Variants in UTRN observed in about 807,000 individuals in gnomAD.
The protein encoded by UTRN is dystrophin-related protein 1.
Under a neutral mutation model 463.9 loss-of-function variants are expected in UTRN, and 283 were observed. That is an observed-to-expected ratio of 0.61 (90% CI 0.55 to 0.67). The LOEUF (loss-of-function observed/expected upper bound fraction) is 0.67. Among genes scored for constraint, UTRN ranks in the 30% least tolerant of loss-of-function variants. The pLI is 0.00. For missense variants in UTRN, 3,922 were observed against 4,084.3 expected (o/e 0.96, Z 1.08); for synonymous variants, 1,442 against 1,431.5 (o/e 1.01, Z -0.17).
intron 41 of UTRN, among the ~76,000 whole-genome samples, chr6:144,529,134 G>A (rs1227960995): frequency 6.6e-6 from 1 of 152,176 alleles, no homozygotes; most frequent in Non-Finnish European, 1.5e-5. Flanking sequence ...GGCCCAAAAG[G>A]CCAGTCTTAG....
At chr6:144,398,327 GC>G in intron 2 of UTRN, 4 of 322,614 alleles carry the variant, frequency 1.2e-5, no homozygotes, top group Non-Finnish European at 2.5e-5. Flanking sequence ...CAATAGATTT[GC>G]TTGTTGGGCC....
chr6:144,490,302 A>T lies in UTRN; in HGVS notation c.4263+103A>T. The T allele has an allele frequency of 2.7e-6, 4 of 1,467,636 alleles. No individual in the cohort carries two copies. In the South Asian group the frequency reaches 5.5e-5, roughly 20 times the overall value. The allele number at this position is 1,467,636 out of a possible 1,614,324, so 90.9% of individuals were successfully genotyped here. ...TTGGGCACCGTTTGTATTCTTTGTG[A>T]TGTAAACCATGGGATGGGAGTGATG... On this transcript the variant is annotated intron_variant, in intron 31 of 74. Coordinates refer to ENST00000367545, the MANE Select transcript of UTRN (RefSeq NM_007124.3).
At chr6:144,538,341 C>T (rs1797709725) in intron 44 of UTRN, among the ~76,000 whole-genome samples, 1 of 151,998 alleles carries the variant, frequency 6.6e-6, no homozygotes. Context: ...TGTTGCAGAA[C>T]ACTCAGCATA....
intron 51 of UTRN, among the ~76,000 whole-genome samples, chr6:144,592,376 T>A (rs1391215314): frequency 6.6e-6 from 1 of 152,218 alleles, no homozygotes; most frequent in East Asian, 1.9e-4. Context: ...TTTTTAAATT[T>A]TTTTTTTTAT....
rs939644935 is a variant in UTRN, at chr6:144,723,218, T to C, written c.7810-7139T>C. Among the ~76,000 whole-genome samples, 6 of 152,312 alleles carry C rather than the reference T, an allele frequency of 3.9e-5. No individual in the cohort carries two copies. The South Asian group carries it at 1.0e-3, about 26-fold the overall frequency. Reference sequence around the variant, plus strand: ...AACCAACTGCAGACTGAAATACTTATTAATAGCACAGACTTAGTTTTACAT... The same window carrying C: ...AACCAACTGCAGACTGAAATACTTACTAATAGCACAGACTTAGTTTTACAT... On this transcript the variant is annotated intron_variant, in intron 53 of 74. Transcript: ENST00000367545.
At chr6:144,565,689 C>A (rs1800340607) in intron 50 of UTRN, among the ~76,000 whole-genome samples, 1 of 152,108 alleles carries the variant, frequency 6.6e-6, no homozygotes, top group African/African-American at 2.4e-5. Flanking sequence ...GGCTGAATAA[C>A]CAAATAGGAT....
chr6:144,370,575 C>T (rs1265254066), intron 2 of UTRN, among the ~76,000 whole-genome samples: 2 of 152,136 alleles, frequency 1.3e-5, no homozygotes, highest in African/African-American at 4.8e-5. Context: ...AGGTGGGAGC[C>T]CCCGCACAGA....
chr6:144,653,248 G>A (rs1240189606), intron 51 of UTRN, among the ~76,000 whole-genome samples: 2 of 152,090 alleles, frequency 1.3e-5, no homozygotes, highest in African/African-American at 4.8e-5. Context: ...CATAGGATAT[G>A]TACGTGCATA....
chr6:144,733,047 T>G (rs1224415063), intron 54 of UTRN, among the ~76,000 whole-genome samples: 1 of 152,168 alleles, frequency 6.6e-6, no homozygotes, highest in Non-Finnish European at 1.5e-5. Context: ...TCACCTTGAA[T>G]GCAAACATGC....
chr6:144,354,227 T>C (rs1178210510), intron 2 of UTRN, among the ~76,000 whole-genome samples: 2 of 152,118 alleles, frequency 1.3e-5, no homozygotes, highest in Non-Finnish European at 2.9e-5. Flanking sequence ...ACAATAACGA[T>C]ATGCTTGTTG....
At chr6:144,848,112 G>A (rs898699411) in intron 74 of UTRN, among the ~76,000 whole-genome samples, 1 of 152,166 alleles carries the variant, frequency 6.6e-6, no homozygotes, top group African/African-American at 2.4e-5. Flanking sequence ...TTGTCTAAGT[G>A]AATTGGAAGC....
intron 60 of UTRN, among the ~76,000 whole-genome samples, chr6:144,778,432 C>G (rs1032750660): frequency 1.3e-5 from 2 of 151,832 alleles, no homozygotes; most frequent in Non-Finnish European, 2.9e-5. Context: ...GGACATGGGT[C>G]AAGTGTTGAG....
At chr6:144,768,953 G>GTTTTTTTTTTTTTT (rs1224806677) in intron 58 of UTRN, among the ~76,000 whole-genome samples, 1 of 105,088 alleles carries the variant, frequency 9.5e-6, no homozygotes, top group East Asian at 3.5e-4. Flanking sequence ...TTTTTGTTTT[G>GTTTTTTTTTTTTTT]TTTTGTTTTT....
chr6:144,608,781 C>CCT (rs71024900), intron 51 of UTRN, among the ~76,000 whole-genome samples: 3 of 151,536 alleles, frequency 2.0e-5, no homozygotes, highest in Non-Finnish European at 2.9e-5. Flanking sequence ...CCACACACGA[C>CCT]CTCTCTATGT....
At chr6:144,742,047 G>A (rs1459853953) in intron 54 of UTRN, among the ~76,000 whole-genome samples, 1 of 151,266 alleles carries the variant, frequency 6.6e-6, no homozygotes, top group African/African-American at 2.4e-5. Context: ...TACTTTTGAG[G>A]TCTTGATGTT....
intron 1 of UTRN, among the ~76,000 whole-genome samples, chr6:144,288,624 A>C (rs1803908121): frequency 6.6e-6 from 1 of 152,054 alleles, no homozygotes; most frequent in African/African-American, 2.4e-5. Context: ...GAATGAAAGA[A>C]TGTAATCATA....
intron 2 of UTRN, among the ~76,000 whole-genome samples, chr6:144,350,256 T>TAAA (rs11443344): frequency 0.013 from 1,896 of 142,264 alleles, 37 homozygotes; most frequent in African/African-American, 0.046. Context: ...GACTGTTTTC[T>TAAA]AAAAAAAAAA....
At chr6:144,362,404 T>C (rs1338807799) in intron 2 of UTRN, among the ~76,000 whole-genome samples, 1 of 152,214 alleles carries the variant, frequency 6.6e-6, no homozygotes, top group Non-Finnish European at 1.5e-5. Flanking sequence ...CATAGCTGTA[T>C]TTTTCCTCTC....
In UTRN at chr6:144,824,568, TTATTTATATA is replaced by T. The variant is rs1467845541; in HGVS notation, c.9495-2776_9495-2767del. On this transcript the variant is annotated intron_variant, in intron 66 of 74. Coordinates refer to ENST00000367545, the MANE Select transcript of UTRN (RefSeq NM_007124.3). ...TATGTATATATATTAATATAGCATTTTATTTATATATATATATATATATATATATATATAT... is the reference window on the plus strand; with the variant it reads ...TATGTATATATATTAATATAGCATTTTATATATATATATATATATATATAT... 4.6e-4 allele frequency among the ~76,000 whole-genome samples: 32 copies of T among 69,068 alleles called. 3 individuals are homozygous for T. In the South Asian group the frequency reaches 5.0e-3, roughly 11 times the overall value. The allele number at this position is 69,068 out of a possible 152,430, so 45.3% of individuals were successfully genotyped here.
Sources: allele counts gnomAD v4.1 joint callset (sites outside exome capture counted in the v4.1 genomes callset), GRCh38; gene constraint gnomAD v4.1.1; transcripts MANE v1.5; gene names NCBI Gene and HGNC (gene_info 2026-07-23, HGNC 2026-07-21).